CREG2: variants seen among roughly 807,000 people sequenced by gnomAD.
The protein encoded by CREG2 is protein CREG2.
In CREG2, 24 loss-of-function variants were observed where a neutral mutation model predicts 26.2. That is an observed-to-expected ratio of 0.92 (90% CI 0.66 to 1.29). The LOEUF is 1.29. Ranked by LOEUF, CREG2 falls within the 50% of genes most tolerant of loss-of-function variation. The probability of loss-of-function intolerance (pLI) is 0.00; values close to 1 mark genes in which losing one functional copy is unlikely to be tolerated. For missense variants in CREG2, 366 were observed against 398.6 expected (o/e 0.92, Z 0.70); for synonymous variants, 174 against 169.2 (o/e 1.03, Z -0.22).
intron 3 of CREG2, among the ~76,000 whole-genome samples, chr2:101,352,823 G>T (rs1250025083): frequency 6.6e-6 from 1 of 152,006 alleles, no homozygotes; most frequent in Admixed American, 6.6e-5. Flanking sequence ...GGTGGTGCCT[G>T]TGGGTAGTCC....
intron 2 of CREG2, among the ~76,000 whole-genome samples, chr2:101,359,293 C>T (rs1573304496): frequency 6.6e-6 from 1 of 152,326 alleles, no homozygotes; most frequent in South Asian, 2.1e-4. Context: ...GGGCTGTCTG[C>T]ATGTGCAGTG....
chr2:101,356,245 G>A (rs970917075), intron 2 of CREG2, among the ~76,000 whole-genome samples: 1 of 152,226 alleles, frequency 6.6e-6, no homozygotes, highest in African/African-American at 2.4e-5. Context: ...GCGGTCTGGG[G>A]TTTATATGGG....
chr2:101,368,458 T>C (rs1015106108), intron 2 of CREG2, among the ~76,000 whole-genome samples: 1 of 152,200 alleles, frequency 6.6e-6, no homozygotes, highest in African/African-American at 2.4e-5. Context: ...GGCCCCACAC[T>C]GTGCTCAAGG....
chr2:101,350,992 C>G lies in CREG2; in HGVS notation c.804G>C (p.Gln268His). 1 of 1,614,234 alleles carries G rather than the reference C, an allele frequency of 6.2e-7. No homozygotes were observed. The highest frequency in any genetic ancestry group is 8.5e-7 in the Non-Finnish European group (1 of 1,180,030). Reference sequence around the variant, plus strand: ...TACTGGATGCGCCTCCATACCATTTCTGAAGCCAGATATGTTCTATCCTCA... The same window carrying G: ...TACTGGATGCGCCTCCATACCATTTGTGAAGCCAGATATGTTCTATCCTCA... Reference protein sequence around the residue: ...MKMRIEHIWLQKWYGGASSIS... With the variant: ...MKMRIEHIWLHKWYGGASSIS... The change falls in exon 4 of 4, where the codon CAG (glutamine) becomes CAC (histidine). Residue 268 changes from glutamine to histidine, a missense_variant. Around this residue, in one of 3 missense-constraint regions of CREG2, gnomAD observed 174 missense variants for 178.2 expected, o/e 0.98. Transcript: ENST00000324768.
At chr2:101,375,091 A>T (rs1483888481) in intron 2 of CREG2, among the ~76,000 whole-genome samples, 2 of 152,188 alleles carry the variant, frequency 1.3e-5, no homozygotes, top group Admixed American at 1.3e-4. Flanking sequence ...GGCAGGGATT[A>T]CATCTACGTC....
intron 3 of CREG2, among the ~76,000 whole-genome samples, chr2:101,354,750 T>A (rs1386792071): frequency 6.6e-6 from 1 of 152,108 alleles, no homozygotes; most frequent in Non-Finnish European, 1.5e-5. Context: ...GCATATCAAT[T>A]TCCTGGAGCA....
chr2:101,354,270 A>G (rs188430179), intron 3 of CREG2, among the ~76,000 whole-genome samples: 123 of 152,310 alleles, frequency 8.1e-4, no homozygotes, highest in African/African-American at 2.7e-3. Context: ...AAAAAATAAA[A>G]ATAAAAAATA....
chr2:101,386,802 T>C (rs1038069393), intron 1 of CREG2, among the ~76,000 whole-genome samples: 5 of 152,238 alleles, frequency 3.3e-5, no homozygotes, highest in African/African-American at 9.6e-5. Flanking sequence ...AACCTGGTTA[T>C]CCATGTCCCT....
At chr2:101,373,842 T>G (rs887079544) in intron 2 of CREG2, among the ~76,000 whole-genome samples, 1 of 152,234 alleles carries the variant, frequency 6.6e-6, no homozygotes, top group Non-Finnish European at 1.5e-5. Context: ...CAAAGTTCTC[T>G]GACTCTTCCT....
intron 3 of CREG2, among the ~76,000 whole-genome samples, chr2:101,352,392 G>A (rs971980268): frequency 2.6e-5 from 4 of 152,186 alleles, no homozygotes; most frequent in African/African-American, 9.6e-5. Flanking sequence ...CTGGAACAAA[G>A]TTTGATACCT....
intron 2 of CREG2, among the ~76,000 whole-genome samples, chr2:101,377,942 CAAAT>C (rs1450676322): frequency 6.6e-6 from 1 of 152,028 alleles, no homozygotes; most frequent in African/African-American, 2.4e-5. Context: ...ATTTAATTGT[CAAAT>C]AAAGATTGAA....
chr2:101,386,997 G>C lies in CREG2; in HGVS notation c.441+20C>G. The C allele has an allele frequency of 4.9e-6, 6 of 1,232,020 alleles. No individual in the cohort carries two copies. The highest frequency in any genetic ancestry group is 5.1e-6 in the Non-Finnish European group (5 of 988,550). The allele number at this position is 1,232,020 out of a possible 1,614,324, so 76.3% of individuals were successfully genotyped here. Reference sequence around the variant, plus strand: ...CCGCCTGAATGCCAGGCCCCCTCGCGCTCCCCGCCGGGCGCTCACCTTCTT... The same window carrying C: ...CCGCCTGAATGCCAGGCCCCCTCGCCCTCCCCGCCGGGCGCTCACCTTCTT... On this transcript the variant is annotated intron_variant, in intron 1 of 3. Transcript: ENST00000324768.
At chr2:101,379,975 CTAT>C (rs1684846876) in intron 2 of CREG2, among the ~76,000 whole-genome samples, 4 of 143,772 alleles carry the variant, frequency 2.8e-5, no homozygotes, top group Admixed American at 6.8e-5. Flanking sequence ...AAGCTTCTAT[CTAT>C]CTATCTATCT....
At chr2:101,370,707 G>A (rs531220613) in intron 2 of CREG2, among the ~76,000 whole-genome samples, 1 of 152,232 alleles carries the variant, frequency 6.6e-6, no homozygotes, top group Admixed American at 6.5e-5. Context: ...TGGCTCTCCT[G>A]GGCTCAGGCT....
chr2:101,357,667 G>A (rs1362733392), intron 2 of CREG2, among the ~76,000 whole-genome samples: 1 of 152,050 alleles, frequency 6.6e-6, no homozygotes, highest in Non-Finnish European at 1.5e-5. Context: ...AAGGACATTT[G>A]TACATCACCT....
At chr2:101,358,241 C>G (rs1684491085) in intron 2 of CREG2, among the ~76,000 whole-genome samples, 1 of 152,056 alleles carries the variant, frequency 6.6e-6, no homozygotes, top group Non-Finnish European at 1.5e-5. Flanking sequence ...ATCCACCTGC[C>G]TTGGCCTCCC....
rs1684327630 is a variant in CREG2, at chr2:101,347,842, A to C, written c.*3081T>G. ...AATTCTGATGAAGTTTAATTTATCA[A>C]ATTTTCTTTTATGAATTGTGCTTTT... On this transcript the variant is annotated 3_prime_UTR_variant, in exon 4 of 4. Transcript: ENST00000324768. 6.6e-6 allele frequency: 1 copy of C among 152,178 alleles called. No individual in the cohort carries two copies. Among genetic ancestry groups the C allele is most frequent in the African/African-American group, 2.4e-5 (1 of 41,438 alleles). 9.4% of individuals were successfully genotyped at this position (152,178 alleles called of 1,614,324 possible). A position where few individuals can be genotyped will look rare whatever the true frequency, so the allele number is the denominator to read the frequency against.
rs1389770477 is a variant in CREG2 at position 101,349,570 on chromosome 2, C to T, written c.*1353G>A. On this transcript the variant is annotated 3_prime_UTR_variant, in exon 4 of 4. Transcript: ENST00000324768. ...CAGAAAGACAGAAAACTTGGGACAG[C>T]TCAACCCTTTATAGGTTTTAATGAT... is the stretch of plus-strand genomic sequence containing the variant. 1 of 152,522 alleles carries T rather than the reference C, an allele frequency of 6.6e-6. No homozygotes were observed. The allele number at this position is 152,522 out of a possible 1,614,324, so 9.4% of individuals were successfully genotyped here. A position where few individuals can be genotyped will look rare whatever the true frequency, so the allele number is the denominator to read the frequency against.
chr2:101,376,605 G>T (rs191094122), intron 2 of CREG2, among the ~76,000 whole-genome samples: 3 of 152,140 alleles, frequency 2.0e-5, no homozygotes, highest in Non-Finnish European at 2.9e-5. Flanking sequence ...GAGGAAAAAG[G>T]TTTGAGAAGA....
Sources: gnomAD v4.1 joint callset for allele counts (sites outside exome capture counted in the v4.1 genomes callset) on GRCh38, gnomAD v4.1.1 for gene constraint, gnomAD v4.1.1 regional missense constraint, MANE v1.5 for transcripts, NCBI Gene and HGNC (gene_info 2026-07-23, HGNC 2026-07-21) for gene names.